Variants in ANKRD16 observed in about 807,000 individuals in gnomAD.
ANKRD16 encodes the protein ankyrin repeat domain-containing protein 16.
ANKRD16 carries 35 observed loss-of-function variants against 37.9 expected under a neutral mutation model. The ratio of observed to expected loss-of-function variants is 0.92; its 90% CI spans 0.71 to 1.23. The LOEUF (loss-of-function observed/expected upper bound fraction) is 1.23. Ranked by LOEUF, ANKRD16 falls within the 50% of genes most tolerant of loss-of-function variation. The probability of loss-of-function intolerance (pLI) is 0.00; values close to 1 mark genes in which losing one functional copy is unlikely to be tolerated. For synonymous variants in ANKRD16, 206 were observed against 197.2 expected (o/e 1.04, Z -0.37); for missense variants, 480 against 469.9 (o/e 1.02, Z -0.20).
intron 7 of ANKRD16, among the ~76,000 whole-genome samples, chr10:5,875,190 G>C (rs1180964166): frequency 6.6e-6 from 1 of 152,172 alleles, no homozygotes; most frequent in African/African-American, 2.4e-5. Context: ...AGATGCTCCA[G>C]AGGGAATAAT....
At chr10:5,881,715 T>G (rs1354510022) in intron 5 of ANKRD16, among the ~76,000 whole-genome samples, 1 of 138,986 alleles carries the variant, frequency 7.2e-6, no homozygotes, top group Non-Finnish European at 1.5e-5. Context: ...TTTGACACAG[T>G]CTCACTCTGT....
chr10:5,884,394 T>G (rs577028393), intron 3 of ANKRD16, among the ~76,000 whole-genome samples: 2 of 152,228 alleles, frequency 1.3e-5, no homozygotes, highest in South Asian at 4.2e-4. Flanking sequence ...CATAATCAAT[T>G]GATTACCCCC....
intron 5 of ANKRD16, among the ~76,000 whole-genome samples, chr10:5,881,338 G>C (rs895703855): frequency 6.7e-6 from 1 of 149,532 alleles, no homozygotes; most frequent in Non-Finnish European, 1.5e-5. Context: ...CTTTAGGGGA[G>C]AGATAAACTA....
At chr10:5,873,924 C>T (rs529890968) in intron 7 of ANKRD16, among the ~76,000 whole-genome samples, 1 of 150,664 alleles carries the variant, frequency 6.6e-6, no homozygotes, top group Non-Finnish European at 1.5e-5. Flanking sequence ...GACGGCGTCT[C>T]GCTCTGTTGC....
chr10:5,883,955 A>C lies in ANKRD16; in HGVS notation c.687+14T>G. On this transcript the variant is annotated intron_variant, in intron 4 of 7. Transcript: ENST00000380094. ...GGAAGAACCAAAAGAATAAAAACAC[A>C]ACCATTTTTATACCCCATGTTCATC... is the stretch of plus-strand genomic sequence containing the variant. 1.2e-6 allele frequency: 2 copies of C among 1,608,234 alleles called. No homozygotes were observed. Among genetic ancestry groups the C allele is most frequent in the Non-Finnish European group, 1.7e-6 (2 of 1,175,286 alleles).
rs918808808 is a variant in ANKRD16 at position 5,878,580 on chromosome 10, A to G, written c.929-293T>C. ...TCTGGGAGGCTGAGGTAGGCAGATC[A>G]TGAGGTCAAGAGTGTGAGACTAGCC... On this transcript the variant is annotated intron_variant, in intron 6 of 7. Coordinates refer to ENST00000380094, the MANE Select transcript of ANKRD16 (RefSeq NM_019046.3). The surrounding 1 kb of genome is among the most constrained non-coding windows in gnomAD (Gnocchi z 5.1). Among the ~76,000 whole-genome samples the G allele has an allele frequency of 8.6e-5, 13 of 151,734 alleles. No homozygotes were observed. Among genetic ancestry groups the G allele is most frequent in the Non-Finnish European group, 1.6e-4 (11 of 67,938 alleles).
chr10:5,880,304 G>C lies in ANKRD16; in HGVS notation c.922C>G (p.Arg308Gly). The C allele has an allele frequency of 1.3e-6, 2 of 1,590,636 alleles. No homozygotes were observed. Among genetic ancestry groups the C allele is most frequent in the Non-Finnish European group, 1.7e-6 (2 of 1,166,704 alleles). Residue 308 changes from arginine to glycine, a missense_variant, in exon 6 of 8, where the codon CGA (arginine) becomes GGA (glycine). Transcript: ENST00000380094. ...ADINSKDEKN[R>G]SALHLACAGQ... ...ATATAAAATTAAACGGTACCTGATC[G>C]ATTTTTTTCATCTTTAGAATTGATG...
rs548876003 is a variant in ANKRD16 at position 5,871,821 on chromosome 10, C to T, written c.*33+6276G>A. 1.8e-4 allele frequency among the ~76,000 whole-genome samples: 27 copies of T among 152,206 alleles called. No individual in the cohort carries two copies. Among genetic ancestry groups the T allele is most frequent in the Non-Finnish European group, 3.7e-4 (25 of 68,034 alleles). On this transcript the variant is annotated intron_variant, in intron 7 of 7. Coordinates refer to ENST00000380094, the MANE Select transcript of ANKRD16 (RefSeq NM_019046.3). The surrounding 1 kb of genome is among the most constrained non-coding windows in gnomAD (Gnocchi z 4.5). ...TAAACATGCCACATGCTCATCCCCT[C>T]ACTCACCCTCTCGGAGAAAACTACT...
rs759898229 is a variant in ANKRD16 at position 5,869,245 on chromosome 10, G to C, written c.*34-6554C>G. 6.6e-6 allele frequency among the ~76,000 whole-genome samples: 1 copy of C among 152,110 alleles called. No individual in the cohort carries two copies. The highest frequency in any genetic ancestry group is 1.5e-5 in the Non-Finnish European group (1 of 68,036). On this transcript the variant is annotated intron_variant, in intron 7 of 7. Transcript: ENST00000380094. The surrounding 1 kb of genome is among the most constrained non-coding windows in gnomAD (Gnocchi z 4.0). ...CCTTGGCCGTGGTGATAGTTTCCTGGGAGCACAAATATGTCTGAATTAATC... is the reference window on the plus strand; with the variant it reads ...CCTTGGCCGTGGTGATAGTTTCCTGCGAGCACAAATATGTCTGAATTAATC...
chr10:5,879,484 T>A (rs1460483060), intron 6 of ANKRD16, among the ~76,000 whole-genome samples: 3 of 151,272 alleles, frequency 2.0e-5, no homozygotes, highest in African/African-American at 7.3e-5. Flanking sequence ...AAAAAAAAAA[T>A]TCCACTAAAC....
In ANKRD16 at chr10:5,862,428, T is replaced by C. The variant is rs1841956691; in HGVS notation, c.*297A>G. 2.3e-6 allele frequency: 1 copy of C among 434,604 alleles called. No individual in the cohort carries two copies. Among genetic ancestry groups the C allele is most frequent in the Non-Finnish European group, 4.4e-6 (1 of 227,924 alleles). The allele number at this position is 434,604 out of a possible 1,614,324, so 26.9% of individuals were successfully genotyped here. A position where few individuals can be genotyped will look rare whatever the true frequency, so the allele number is the denominator to read the frequency against. On this transcript the variant is annotated 3_prime_UTR_variant, in exon 8 of 8. Transcript: ENST00000380094. The surrounding 1 kb of genome is among the most constrained non-coding windows in gnomAD (Gnocchi z 6.5). ...CTGCTGTGGCTGGTCAGTTTCACTATCATCCTCAGACTCTTCCAGTCAATG... is the reference window on the plus strand; with the variant it reads ...CTGCTGTGGCTGGTCAGTTTCACTACCATCCTCAGACTCTTCCAGTCAATG...
rs1486095419 is a variant in ANKRD16, at chr10:5,878,558, G to C, written c.929-271C>G. ...CTCATGCCTGTAATCCCAGCACTCT[G>C]GGAGGCTGAGGTAGGCAGATCATGA... On this transcript the variant is annotated intron_variant, in intron 6 of 7. Transcript: ENST00000380094. This position sits in a 1 kb window ranked among gnomAD's most constrained non-coding sequence, Gnocchi z 5.1. Among the ~76,000 whole-genome samples the C allele has an allele frequency of 3.3e-5, 5 of 151,942 alleles. No individual in the cohort carries two copies. The highest frequency in any genetic ancestry group is 4.8e-5 in the African/African-American group (2 of 41,356).
Position 5,862,539 on chromosome 10 carries a change from C to T in ANKRD16, c.*186G>A. On this transcript the variant is annotated 3_prime_UTR_variant, in exon 8 of 8. Transcript: ENST00000380094. The surrounding 1 kb of genome is among the most constrained non-coding windows in gnomAD (Gnocchi z 6.5). ...CAGTGCAGATGTGGCACTGACTTCA[C>T]CACTGGTACACCTCAGATATACAAC... is the stretch of plus-strand genomic sequence containing the variant. The T allele has an allele frequency of 8.3e-7, 1 of 1,207,118 alleles. No individual in the cohort carries two copies. The highest frequency in any genetic ancestry group is 1.1e-6 in the Non-Finnish European group (1 of 916,790). 74.8% of individuals were successfully genotyped at this position (1,207,118 alleles called of 1,614,324 possible).
chr10:5,866,237 T>G lies in ANKRD16; in HGVS notation c.*34-3546A>C, dbSNP rs926014736. Among the ~76,000 whole-genome samples, 1 of 152,276 alleles carries G rather than the reference T, an allele frequency of 6.6e-6. No homozygotes were observed. Among genetic ancestry groups the G allele is most frequent in the East Asian group, 1.9e-4 (1 of 5,178 alleles). On this transcript the variant is annotated intron_variant, in intron 7 of 7. Transcript: ENST00000380094. This position sits in a 1 kb window ranked among gnomAD's most constrained non-coding sequence, Gnocchi z 4.3. Reference sequence around the variant, plus strand: ...ACCCTGCCACTTTTCTCCCAGAGGATGGGGAACCGATCGAGCATGACTGCC... The same window carrying G: ...ACCCTGCCACTTTTCTCCCAGAGGAGGGGGAACCGATCGAGCATGACTGCC...
rs1323371667 is a variant in ANKRD16, at chr10:5,863,142, C to A, written c.*34-451G>T. Among the ~76,000 whole-genome samples, 2 of 152,068 alleles carry A rather than the reference C, an allele frequency of 1.3e-5. No individual in the cohort carries two copies. Among genetic ancestry groups the A allele is most frequent in the Admixed American group, 1.3e-4 (2 of 15,262 alleles). ...AGGCCTCCCCAACGCAGTGTCCACA[C>A]CAGCATTACTGTGGAACTTGGGAGA... On this transcript the variant is annotated intron_variant, in intron 7 of 7. Coordinates refer to ENST00000380094, the MANE Select transcript of ANKRD16 (RefSeq NM_019046.3). The surrounding 1 kb of genome is among the most constrained non-coding windows in gnomAD (Gnocchi z 4.7).
chr10:5,876,114 C>T (rs573171428), intron 7 of ANKRD16, among the ~76,000 whole-genome samples: 1 of 152,272 alleles, frequency 6.6e-6, no homozygotes, highest in South Asian at 2.1e-4. Context: ...GAACTCCTGA[C>T]CTCAGGTGAT....
intron 7 of ANKRD16, among the ~76,000 whole-genome samples, chr10:5,872,195 A>C (rs1430240765): frequency 6.6e-6 from 1 of 152,114 alleles, no homozygotes; most frequent in Non-Finnish European, 1.5e-5. Flanking sequence ...ATAAAGTTAG[A>C]GGGCCAAGTG....
rs1179983460 is a variant in ANKRD16, at chr10:5,869,241, C to T, written c.*34-6550G>A. On this transcript the variant is annotated intron_variant, in intron 7 of 7. Transcript: ENST00000380094. The surrounding 1 kb of genome is among the most constrained non-coding windows in gnomAD (Gnocchi z 4.0). ...ATTGCCTTGGCCGTGGTGATAGTTT[C>T]CTGGGAGCACAAATATGTCTGAATT... is the stretch of plus-strand genomic sequence containing the variant. Among the ~76,000 whole-genome samples, 1 of 152,110 alleles carries T rather than the reference C, an allele frequency of 6.6e-6. No individual in the cohort carries two copies. Among genetic ancestry groups the T allele is most frequent in the African/African-American group, 2.4e-5 (1 of 41,408 alleles).
intron 3 of ANKRD16, 60 bp downstream of exon 3, chr10:5,885,663 G>C: frequency 6.3e-7 from 1 of 1,583,962 alleles, no homozygotes; most frequent in Non-Finnish European, 8.7e-7. Context: ...ATGTAGCACT[G>C]ATATCAACTC....
Sources: gnomAD v4.1 joint callset for allele counts (sites outside exome capture counted in the v4.1 genomes callset) on GRCh38, gnomAD v4.1.1 for gene constraint, Gnocchi (gnomAD v3.1) non-coding constraint, MANE v1.5 for transcripts, NCBI Gene and HGNC (gene_info 2026-07-23, HGNC 2026-07-21) for gene names.